Variants in COL4A3 observed in about 807,000 individuals in gnomAD.
COL4A3 encodes collagen alpha-3(IV) chain.
A neutral mutation model predicts 217.4 loss-of-function variants in COL4A3; 135 were observed. That is an observed-to-expected ratio of 0.62 (90% confidence interval 0.54 to 0.72). The LOEUF is 0.72. Ranked by LOEUF, COL4A3 falls within the 30% of genes least tolerant of loss-of-function variation. The probability of loss-of-function intolerance (pLI) is 0.00; values close to 1 mark genes in which losing one functional copy is unlikely to be tolerated. For missense variants in COL4A3, 1,868 were observed against 2,119.9 expected, an observed-to-expected ratio of 0.88 and a Z score of 2.33; for synonymous variants, 690 against 736.3, an observed-to-expected ratio of 0.94 and a Z score of 1.02.
rs1559897433 is a variant in COL4A3 at position 227,282,610 on chromosome 2, T to C, written c.2656+78T>C. 8.0e-7 allele frequency: 1 copy of C among 1,247,340 alleles called. No individual in the cohort carries two copies. The highest frequency in any genetic ancestry group is 2.3e-5 in the East Asian group (1 of 42,692). The allele number at this position is 1,247,340 out of a possible 1,614,324, so 77.3% of individuals were successfully genotyped here. A position where few individuals can be genotyped will look rare whatever the true frequency, so the allele number is the denominator to read the frequency against. ...TGGCTCTGTCAACTGTACATAGGCA[T>C]ACGCTTTTTACTCTATGCTTTTACT... On this transcript the variant is annotated intron_variant, in intron 32 of 51. Coordinates refer to ENST00000396578, the MANE Select transcript of COL4A3 (RefSeq NM_000091.5). The surrounding 1 kb of genome is among the most constrained non-coding windows in gnomAD (Gnocchi z 4.4).
Position 227,282,441 on chromosome 2 carries a change from T to C in COL4A3, c.2565T>C (p.Thr855=). ...GLDRSGFPGE[T]GSPGIPGHQG... ...ATAGATCAGGATTTCCTGGAGAAACTGGATCACCAGGAATTCCAGGTCATC... is the reference window on the plus strand; with the variant it reads ...ATAGATCAGGATTTCCTGGAGAAACCGGATCACCAGGAATTCCAGGTCATC... The change falls in exon 32 of 52, where the codon ACT becomes ACC. Residue 855 remains threonine (T), a synonymous_variant. Coordinates refer to ENST00000396578, the MANE Select transcript of COL4A3 (RefSeq NM_000091.5). This position sits in a 1 kb window ranked among gnomAD's most constrained non-coding sequence, Gnocchi z 4.4. The C allele has an allele frequency of 6.2e-7, 1 of 1,613,770 alleles. No homozygotes were observed. Among genetic ancestry groups the C allele is most frequent in the Non-Finnish European group, 8.5e-7 (1 of 1,179,846 alleles).
intron 21 of COL4A3, 54 bp from the exon 22 acceptor site, chr2:227,266,363 G>A: frequency 7.8e-7 from 1 of 1,277,668 alleles, no homozygotes; most frequent in East Asian, 2.4e-5. Context: ...TACAATACTT[G>A]CTAATTGAAA....
intron 1 of COL4A3, among the ~76,000 whole-genome samples, chr2:227,165,089 A>T (rs1244262362): frequency 6.6e-6 from 1 of 152,204 alleles, no homozygotes; most frequent in East Asian, 1.9e-4. Context: ...ACAGGCCTCC[A>T]GAGGTCAGTA....
intron 43 of COL4A3, among the ~76,000 whole-genome samples, chr2:227,299,584 T>C (rs902092052): frequency 3.3e-5 from 5 of 152,168 alleles, no homozygotes; most frequent in Non-Finnish European, 7.3e-5. Flanking sequence ...ATCATTAACA[T>C]TGACTTATCG....
intron 2 of COL4A3, among the ~76,000 whole-genome samples, chr2:227,238,429 A>C (rs2125885571): frequency 6.6e-6 from 1 of 152,326 alleles, no homozygotes; most frequent in East Asian, 1.9e-4. Flanking sequence ...TTTGTCCTGC[A>C]GCATTGGTTC....
intron 1 of COL4A3, among the ~76,000 whole-genome samples, chr2:227,182,086 A>T (rs184334860): frequency 1.6e-3 from 239 of 152,332 alleles, no homozygotes; most frequent in African/African-American, 5.4e-3. Context: ...TTTTCTCAGC[A>T]TTACTTCTAG....
rs1379080009 is a variant in COL4A3, at chr2:227,282,387, A to C, written c.2511A>C (p.Pro837=). 6.2e-7 allele frequency: 1 copy of C among 1,613,668 alleles called. No homozygotes were observed. The highest frequency in any genetic ancestry group is 1.7e-5 in the Admixed American group (1 of 59,968). ...GQQGRRGKTG[P]KGDPGIPGLD... ...CAGGCAGAAGAGGTAAAACGGGGCC[A>C]AAGGGAGACCCAGGAATTCCAGGCT... is the stretch of plus-strand genomic sequence containing the variant. The change falls in exon 32 of 52, where the codon CCA becomes CCC. Residue 837 remains proline (P), a synonymous_variant. Coordinates refer to ENST00000396578, the MANE Select transcript of COL4A3 (RefSeq NM_000091.5). This position sits in a 1 kb window ranked among gnomAD's most constrained non-coding sequence, Gnocchi z 4.4.
intron 1 of COL4A3, among the ~76,000 whole-genome samples, chr2:227,221,818 A>G (rs920678568): frequency 6.6e-6 from 1 of 152,214 alleles, no homozygotes; most frequent in Admixed American, 6.5e-5. Context: ...TGTTTTTTGA[A>G]TGAATGAATA....
chr2:227,218,232 C>T (rs1047500755), intron 1 of COL4A3, among the ~76,000 whole-genome samples: 2 of 151,724 alleles, frequency 1.3e-5, no homozygotes, highest in African/African-American at 4.8e-5. Context: ...TTTGGGAGGC[C>T]GAGACGGGTG....
At chr2:227,249,899 A>C (rs1303532962) in intron 9 of COL4A3, among the ~76,000 whole-genome samples, 2 of 152,218 alleles carry the variant, frequency 1.3e-5, no homozygotes, top group Non-Finnish European at 2.9e-5. Context: ...AGTCATTGTG[A>C]TGATGCTGAA....
chr2:227,223,205 C>T (rs1026629312), intron 1 of COL4A3, among the ~76,000 whole-genome samples: 1 of 152,090 alleles, frequency 6.6e-6, no homozygotes, highest in African/African-American at 2.4e-5. Context: ...AGGCCTCAGA[C>T]CTGCTCACTG....
intron 1 of COL4A3, among the ~76,000 whole-genome samples, chr2:227,173,029 A>G (rs1468771757): frequency 6.6e-6 from 1 of 152,212 alleles, no homozygotes; most frequent in Non-Finnish European, 1.5e-5. Flanking sequence ...TTAGAGGGAC[A>G]GAAACTTTCA....
At chr2:227,247,647 A>G in intron 8 of COL4A3, 63 bp downstream of exon 8, 1 of 1,478,922 alleles carries the variant, frequency 6.8e-7, no homozygotes. Context: ...AAGGACGTCT[A>G]TTAAATAATG....
intron 34 of COL4A3, among the ~76,000 whole-genome samples, chr2:227,287,102 C>G (rs1299890423): frequency 6.6e-6 from 1 of 152,178 alleles, no homozygotes; most frequent in Non-Finnish European, 1.5e-5. Context: ...GTCCCTGTTG[C>G]ATATTCTTCT....
chr2:227,201,921 TTATTAAC>T (rs756604707), intron 1 of COL4A3, among the ~76,000 whole-genome samples: 15 of 152,200 alleles, frequency 9.9e-5, no homozygotes, highest in Non-Finnish European at 1.8e-4. Context: ...GAATGATGTA[TTATTAAC>T]TAAAGTATTA....
chr2:227,297,912 CA>C (rs2073101754), intron 42 of COL4A3, 53 bp downstream of exon 42: 2 of 1,534,094 alleles, frequency 1.3e-6, no homozygotes, highest in East Asian at 4.9e-5. Flanking sequence ...TGTTTGACCT[CA>C]AAAGTTTTCA....
chr2:227,204,236 A>T (rs906208334), intron 1 of COL4A3, among the ~76,000 whole-genome samples: 1 of 152,168 alleles, frequency 6.6e-6, no homozygotes, highest in African/African-American at 2.4e-5. Flanking sequence ...TGCAATAAGG[A>T]TTAAATAAGT....
intron 28 of COL4A3, 41 bp downstream of exon 28, chr2:227,277,594 T>C (rs1465111155): frequency 5.1e-6 from 6 of 1,187,528 alleles, no homozygotes; most frequent in Non-Finnish European, 7.4e-6. Flanking sequence ...TTGTTGTGGA[T>C]ATTTAGAAGA....
rs2072636724 is a variant in COL4A3, at chr2:227,290,636, C to A, written c.3071-111C>A. On this transcript the variant is annotated intron_variant, in intron 36 of 51. Coordinates refer to ENST00000396578, the MANE Select transcript of COL4A3 (RefSeq NM_000091.5). ...CTATTGTAACTACCTGATGCAGTTG[C>A]AATTCTGAAAAAGCCATTCTTGGGA... The A allele has an allele frequency of 3.2e-6, 3 of 948,772 alleles. No homozygotes were observed. In the Admixed American group the frequency reaches 6.7e-5, roughly 21 times the overall value. The allele number at this position is 948,772 out of a possible 1,614,324, so 58.8% of individuals were successfully genotyped here.
Sources: gnomAD v4.1 joint callset for allele counts (sites outside exome capture counted in the v4.1 genomes callset) on GRCh38, gnomAD v4.1.1 for gene constraint, Gnocchi (gnomAD v3.1) non-coding constraint, MANE v1.5 for transcripts, NCBI Gene and HGNC (gene_info 2026-07-23, HGNC 2026-07-21) for gene names.